The following DOK5 variants were observed in gnomAD, a reference collection of about 807,000 sequenced individuals.
DOK5 encodes the protein docking protein 5, also known as downstream of tyrosine kinase 5.
Under a neutral mutation model 43.3 loss-of-function variants are expected in DOK5, and 27 were observed. The observed-to-expected ratio is 0.62, with a 90% CI of 0.46 to 0.86. The LOEUF is 0.86. Ranked by LOEUF, DOK5 falls within the 40% of genes least tolerant of loss-of-function variation. The pLI is 0.00. For missense variants in DOK5, 373 were observed against 392.9 expected (o/e 0.95, Z 0.43); for synonymous variants, 146 against 140.1 (o/e 1.04, Z -0.30).
chr20:54,590,557 A>G (rs6023388), intron 4 of DOK5, among the ~76,000 whole-genome samples: 28,042 of 152,010 alleles, frequency 0.18, 5,032 homozygotes, highest in African/African-American at 0.47. Context: ...TTTAAATATG[A>G]TTACTAGAAA....
intron 1 of DOK5, among the ~76,000 whole-genome samples, chr20:54,481,928 A>G (rs996713826): frequency 1.3e-5 from 2 of 152,188 alleles, no homozygotes; most frequent in African/African-American, 4.8e-5. Context: ...AACCCAATTA[A>G]TGTTTATTAG....
chr20:54,566,422 A>G (rs1050624915), intron 2 of DOK5, among the ~76,000 whole-genome samples: 2 of 152,016 alleles, frequency 1.3e-5, no homozygotes, highest in Non-Finnish European at 2.9e-5. Flanking sequence ...CCTCCTCTCC[A>G]TTTCTGGGAT....
In DOK5 at chr20:54,628,241, T is replaced by C. The variant is rs577494706; in HGVS notation, c.736-15217T>C. Among the ~76,000 whole-genome samples, 107 of 151,644 alleles carry C rather than the reference T, an allele frequency of 7.1e-4. 2 individuals carry two copies. The highest frequency in any genetic ancestry group is 4.6e-4 in the Non-Finnish European group (31 of 67,914). ...TGTTAAGAATTCATTCTTCCTTCTCTACTAAAAATACAAAAAAATTAGCCC... is the reference window on the plus strand; with the variant it reads ...TGTTAAGAATTCATTCTTCCTTCTCCACTAAAAATACAAAAAAATTAGCCC... On this transcript the variant is annotated intron_variant, in intron 6 of 7. Transcript: ENST00000262593.
chr20:54,610,372 G>GT lies in DOK5; in HGVS notation c.600-11dup. On this transcript the variant is annotated splice_polypyrimidine_tract_variant and intron_variant, in intron 5 of 7. Coordinates refer to ENST00000262593, the MANE Select transcript of DOK5 (RefSeq NM_018431.5). ...GCGCTGGATTTTCAGAAGCTGTTTT[G>GT]TTTTTGTTTTCACAGGATGTGTGAG... is the stretch of plus-strand genomic sequence containing the variant. 1 of 1,500,448 alleles carries GT rather than the reference G, an allele frequency of 6.7e-7. No homozygotes were observed. Among genetic ancestry groups the GT allele is most frequent in the Non-Finnish European group, 8.9e-7 (1 of 1,122,608 alleles). The allele number at this position is 1,500,448 out of a possible 1,614,324, so 92.9% of individuals were successfully genotyped here.
At chr20:54,505,416 C>T (rs1172898741) in intron 1 of DOK5, among the ~76,000 whole-genome samples, 2 of 151,858 alleles carry the variant, frequency 1.3e-5, no homozygotes, top group Non-Finnish European at 2.9e-5. Context: ...GTTAGCTGAC[C>T]CCTGGATTAA....
intron 5 of DOK5, among the ~76,000 whole-genome samples, chr20:54,595,491 G>T (rs1445903965): frequency 6.6e-6 from 1 of 152,122 alleles, no homozygotes. Flanking sequence ...CTATTTCAAT[G>T]GTCTTTACCA....
chr20:54,549,762 G>C (rs1984462464), intron 1 of DOK5, among the ~76,000 whole-genome samples: 1 of 152,102 alleles, frequency 6.6e-6, no homozygotes, highest in Non-Finnish European at 1.5e-5. Context: ...ATCTTTCTTG[G>C]TGAAGATATT....
chr20:54,500,763 G>A (rs187076829), intron 1 of DOK5, among the ~76,000 whole-genome samples: 32 of 152,086 alleles, frequency 2.1e-4, no homozygotes, highest in African/African-American at 7.7e-4. Flanking sequence ...GTTTCTCCAT[G>A]TTGGTCAGGC....
At chr20:54,601,818 C>A (rs1349771881) in intron 5 of DOK5, among the ~76,000 whole-genome samples, 1 of 152,250 alleles carries the variant, frequency 6.6e-6, no homozygotes, top group East Asian at 1.9e-4. Context: ...TTCACTGGAG[C>A]TGGAGAAACA....
rs113409368 is a variant in DOK5 at position 54,517,338 on chromosome 20, A to G, written c.67-37595A>G. The stretch of plus-strand genomic sequence containing the variant: ...TACAGAAGTTTTATAACAAGCTTAA[A>G]TTTTGAAATAAAACTAAAGCATCAT... On this transcript the variant is annotated intron_variant, in intron 1 of 7. Coordinates refer to ENST00000262593, the MANE Select transcript of DOK5 (RefSeq NM_018431.5). Among the ~76,000 whole-genome samples, 1,290 of 152,304 alleles carry G rather than the reference A, an allele frequency of 8.5e-3. 12 individuals carry two copies. The highest frequency in any genetic ancestry group is 0.041 in the Middle Eastern group (12 of 294).
chr20:54,522,656 A>T (rs959305402), intron 1 of DOK5, among the ~76,000 whole-genome samples: 1 of 151,406 alleles, frequency 6.6e-6, no homozygotes, highest in African/African-American at 2.4e-5. Context: ...AGTAGCTGGG[A>T]TTACAGGCGT....
Position 54,650,397 on chromosome 20 carries a change from A to C in DOK5, c.857-18A>C, listed in dbSNP as rs949258204. ...TTCTTGAAATGTAACTGTTGATTTT[A>C]AATTCTTTTTGGAAAAGATGTTTCC... On this transcript the variant is annotated intron_variant, in intron 7 of 7. Coordinates refer to ENST00000262593, the MANE Select transcript of DOK5 (RefSeq NM_018431.5). 8.7e-6 allele frequency: 14 copies of C among 1,613,066 alleles called. No individual in the cohort carries two copies. The highest frequency in any genetic ancestry group is 1.1e-5 in the Non-Finnish European group (13 of 1,179,460).
chr20:54,515,573 T>C (rs573325561), intron 1 of DOK5, among the ~76,000 whole-genome samples: 1 of 152,380 alleles, frequency 6.6e-6, no homozygotes, highest in East Asian at 1.9e-4. Flanking sequence ...GTACATCTTG[T>C]TGCTATTCAT....
chr20:54,640,032 G>A (rs1426941944), intron 6 of DOK5, among the ~76,000 whole-genome samples: 1 of 152,086 alleles, frequency 6.6e-6, no homozygotes, highest in Non-Finnish European at 1.5e-5. Flanking sequence ...ATGCCCTCCC[G>A]TCTCAGGACA....
intron 6 of DOK5, among the ~76,000 whole-genome samples, chr20:54,616,784 C>CTTTTTTTTTTTTTTTTTTCTT (rs550110589): frequency 1.9e-5 from 2 of 105,758 alleles, no homozygotes; most frequent in African/African-American, 7.8e-5. Context: ...TTTTTTTTTT[C>CTTTTTTTTTTTTTTTTTTCTT]TTTTTTTTTT....
At chr20:54,629,772 G>C (rs1316922017) in intron 6 of DOK5, among the ~76,000 whole-genome samples, 1 of 152,318 alleles carries the variant, frequency 6.6e-6, no homozygotes, top group East Asian at 1.9e-4. Flanking sequence ...GAGAATGACC[G>C]GGAATGGTCA....
chr20:54,554,572 G>A (rs1384856919), intron 1 of DOK5, among the ~76,000 whole-genome samples: 2 of 152,112 alleles, frequency 1.3e-5, no homozygotes, highest in African/African-American at 4.8e-5. Flanking sequence ...CCAAGCCCAT[G>A]GTTTTCAGAT....
intron 5 of DOK5, among the ~76,000 whole-genome samples, chr20:54,593,106 C>T (rs1986032491): frequency 6.6e-6 from 1 of 151,930 alleles, no homozygotes. Flanking sequence ...ATGAACAAAG[C>T]CCAATTATTT....
chr20:54,484,924 G>A (rs1053514495), intron 1 of DOK5, among the ~76,000 whole-genome samples: 1 of 152,146 alleles, frequency 6.6e-6, no homozygotes, highest in East Asian at 1.9e-4. Flanking sequence ...AGGTTGAAGT[G>A]GGATGATCAC....
Sources: gnomAD v4.1 joint callset for allele counts (sites outside exome capture counted in the v4.1 genomes callset) on GRCh38, gnomAD v4.1.1 for gene constraint, MANE v1.5 for transcripts, NCBI Gene and HGNC (gene_info 2026-07-23, HGNC 2026-07-21) for gene names.